The following RALGAPA1 variants were observed in gnomAD, a reference collection of about 807,000 sequenced individuals.
RALGAPA1 encodes ral GTPase-activating protein subunit alpha-1.
RALGAPA1 carries 52 observed loss-of-function variants against 269.6 expected under a neutral mutation model. The ratio of observed to expected loss-of-function variants is 0.19; its 90% CI spans 0.15 to 0.24. The LOEUF (loss-of-function observed/expected upper bound fraction) is 0.24, where lower values mean the gene tolerates loss of function less well. RALGAPA1 is among the 10% of genes least tolerant of loss of function. RALGAPA1 has a pLI of 1.00. For missense variants in RALGAPA1, 1,917 were observed against 3,013.9 expected, an observed-to-expected ratio of 0.64 and a Z score of 8.52; for synonymous variants, 817 against 1,008.3, an observed-to-expected ratio of 0.81 and a Z score of 3.60.
At chr14:35,547,066 A>G (rs927024402) in intron 41 of RALGAPA1, among the ~76,000 whole-genome samples, 2 of 152,124 alleles carry the variant, frequency 1.3e-5, no homozygotes, top group African/African-American at 4.8e-5. Flanking sequence ...AAGCAAAAAC[A>G]CCCTTTTGAA....
intron 1 of RALGAPA1, among the ~76,000 whole-genome samples, chr14:35,780,972 A>T (rs979384359): frequency 3.9e-5 from 6 of 152,126 alleles, no homozygotes; most frequent in Admixed American, 2.0e-4. Context: ...ATATATACGA[A>T]AATAAAGAGC....
At chr14:35,707,339 A>G (rs1425985595) in intron 16 of RALGAPA1, 1 of 152,178 alleles carries the variant, frequency 6.6e-6, no homozygotes, top group African/African-American at 2.4e-5. Flanking sequence ...TTCCTGTCTT[A>G]CAGGAATAGT....
chr14:35,543,777 G>A (rs1177877029), intron 41 of RALGAPA1, among the ~76,000 whole-genome samples: 1 of 152,146 alleles, frequency 6.6e-6, no homozygotes, highest in Non-Finnish European at 1.5e-5. Context: ...TGAGTAGCTG[G>A]GATTATAGGC....
At chr14:35,629,037 G>A (rs373961059) in intron 33 of RALGAPA1, among the ~76,000 whole-genome samples, 1 of 152,090 alleles carries the variant, frequency 6.6e-6, no homozygotes, top group East Asian at 1.9e-4. Context: ...AGACAGTAAC[G>A]AGGTAAAGGA....
At chr14:35,570,302 A>T (rs574273327) in intron 39 of RALGAPA1, among the ~76,000 whole-genome samples, 54 of 151,560 alleles carry the variant, frequency 3.6e-4, no homozygotes, top group Non-Finnish European at 6.9e-4. Flanking sequence ...GAAAGAAAAT[A>T]TATCATTCAA....
At chr14:35,559,584 T>G (rs1290121704) in intron 39 of RALGAPA1, among the ~76,000 whole-genome samples, 1 of 152,244 alleles carries the variant, frequency 6.6e-6, no homozygotes, top group Non-Finnish European at 1.5e-5. Flanking sequence ...TAGGGAATAC[T>G]GTACTTTGTC....
At chr14:35,758,198 C>T (rs1280075448) in intron 6 of RALGAPA1, among the ~76,000 whole-genome samples, 41 of 141,550 alleles carry the variant, frequency 2.9e-4, no homozygotes, top group African/African-American at 9.6e-4. Context: ...GAGCCGAGAT[C>T]GCACCACTGC....
chr14:35,626,401 A>G (rs1161912395), intron 34 of RALGAPA1, among the ~76,000 whole-genome samples: 1 of 152,062 alleles, frequency 6.6e-6, no homozygotes, highest in Non-Finnish European at 1.5e-5. Flanking sequence ...TCCTTCCACT[A>G]CCTACAGGGT....
chr14:35,684,865 A>C, intron 20 of RALGAPA1, 64 bp downstream of exon 20: 3 of 1,495,964 alleles, frequency 2.0e-6, no homozygotes, highest in Non-Finnish European at 1.8e-6. Context: ...CATAATCCGT[A>C]AGTCAGTCTT....
chr14:35,644,213 T>C (rs888111913), intron 31 of RALGAPA1, among the ~76,000 whole-genome samples: 1 of 152,072 alleles, frequency 6.6e-6, no homozygotes, highest in African/African-American at 2.4e-5. Context: ...ATGGGGAAGA[T>C]CTCTATGAAC....
At chr14:35,556,045 C>T (rs1197660267) in intron 39 of RALGAPA1, among the ~76,000 whole-genome samples, 2 of 151,958 alleles carry the variant, frequency 1.3e-5, no homozygotes, top group Non-Finnish European at 2.9e-5. Context: ...CTTGCATGTT[C>T]TAAAATAAAA....
At chr14:35,776,697 T>G (rs763708893) in intron 1 of RALGAPA1, among the ~76,000 whole-genome samples, 3 of 152,120 alleles carry the variant, frequency 2.0e-5, no homozygotes, top group Non-Finnish European at 4.4e-5. Flanking sequence ...ACATAATATC[T>G]GAAAAGACTT....
intron 1 of RALGAPA1, among the ~76,000 whole-genome samples, chr14:35,790,247 G>A (rs745546622): frequency 2.0e-5 from 3 of 150,540 alleles, no homozygotes; most frequent in Non-Finnish European, 4.4e-5. Context: ...AGTGAGACTC[G>A]TCTCAAAAAA....
chr14:35,548,580 G>C (rs2054673908), intron 40 of RALGAPA1, 42 bp from the exon 41 acceptor site: 1 of 1,382,156 alleles, frequency 7.2e-7, no homozygotes, highest in East Asian at 2.4e-5. Context: ...AGGAGAGCAA[G>C]ATATTACAGA....
intron 22 of RALGAPA1, among the ~76,000 whole-genome samples, chr14:35,675,313 T>A (rs1432294854): frequency 6.6e-6 from 1 of 152,110 alleles, no homozygotes; most frequent in Non-Finnish European, 1.5e-5. Flanking sequence ...GTAGCTGGGA[T>A]TACAGGCTCA....
At chr14:35,573,098 C>T (rs1044702728) in intron 37 of RALGAPA1, among the ~76,000 whole-genome samples, 2 of 152,104 alleles carry the variant, frequency 1.3e-5, no homozygotes, top group East Asian at 1.9e-4. Flanking sequence ...GATTATGTTT[C>T]GTTTAACGAA....
chr14:35,572,962 C>A, intron 37 of RALGAPA1: 1 of 254,134 alleles, frequency 3.9e-6, no homozygotes, highest in Admixed American at 5.4e-5. Context: ...TCACATATAG[C>A]CCAAATACTC....
intron 1 of RALGAPA1, among the ~76,000 whole-genome samples, chr14:35,805,785 C>T (rs1246333498): frequency 6.6e-6 from 1 of 151,050 alleles, no homozygotes; most frequent in South Asian, 2.1e-4. Flanking sequence ...CCCAGGTTCA[C>T]GCGATTCTCC....
chr14:35,797,832 A>G (rs371979310), intron 1 of RALGAPA1, among the ~76,000 whole-genome samples: 19 of 148,520 alleles, frequency 1.3e-4, no homozygotes, highest in Admixed American at 4.0e-4. Context: ...GAAACGAGCA[A>G]AATTACATCT....
Sources: allele counts gnomAD v4.1 joint callset (sites outside exome capture counted in the v4.1 genomes callset), GRCh38; gene constraint gnomAD v4.1.1; transcripts MANE v1.5; gene names NCBI Gene and HGNC (gene_info 2026-07-23, HGNC 2026-07-21).